CTSS: variants seen among roughly 807,000 people sequenced by gnomAD.
CTSS encodes the protein cathepsin S.
Under a neutral mutation model 39.9 loss-of-function variants are expected in CTSS, and 15 were observed. That is an observed-to-expected ratio of 0.38 (90% CI 0.25 to 0.58). CTSS has a LOEUF of 0.58. Ranked by LOEUF, CTSS falls within the 20% of genes least tolerant of loss-of-function variation. The pLI, the probability that CTSS is intolerant of heterozygous loss-of-function variation, is 0.70. For synonymous variants in CTSS, 126 were observed against 138.2 expected, an observed-to-expected ratio of 0.91 and a Z score of 0.62; for missense variants, 250 against 398.2, an observed-to-expected ratio of 0.63 and a Z score of 3.17.
chr1:150,734,613 TC>T (rs1289840169), intron 7 of CTSS, among the ~76,000 whole-genome samples: 2 of 152,022 alleles, frequency 1.3e-5, no homozygotes, highest in Non-Finnish European at 2.9e-5. Context: ...GCCTGTGCAC[TC>T]CAGCCTGGGC....
At chr1:150,737,675 A>G (rs1652663977) in intron 7 of CTSS, among the ~76,000 whole-genome samples, 1 of 152,196 alleles carries the variant, frequency 6.6e-6, no homozygotes, top group African/African-American at 2.4e-5. Context: ...TCTAGGCATT[A>G]GGATTACAGA....
At chr1:150,750,838 C>G (rs1376282007) in intron 5 of CTSS, among the ~76,000 whole-genome samples, 1 of 151,828 alleles carries the variant, frequency 6.6e-6, no homozygotes, top group Non-Finnish European at 1.5e-5. Context: ...GGTGAGGTCT[C>G]ACTATGTTGC....
intron 5 of CTSS, 106 bp downstream of exon 5, chr1:150,751,675 C>G: frequency 1.1e-6 from 1 of 943,318 alleles, no homozygotes; most frequent in Non-Finnish European, 1.7e-6. Context: ...CTCTCTCACA[C>G]ACAATACTGC....
chr1:150,746,635 T>C (rs1379479841), intron 7 of CTSS, among the ~76,000 whole-genome samples: 1 of 152,142 alleles, frequency 6.6e-6, no homozygotes, highest in Non-Finnish European at 1.5e-5. Flanking sequence ...TTTTCTGGAA[T>C]AGATTGTGCC....
chr1:150,739,852 A>T (rs1429268897), intron 7 of CTSS, among the ~76,000 whole-genome samples: 1 of 152,036 alleles, frequency 6.6e-6, no homozygotes, highest in African/African-American at 2.4e-5. Context: ...CATTGTAAGA[A>T]GGCTGATGAA....
chr1:150,758,942 G>T (rs587724965), intron 2 of CTSS, among the ~76,000 whole-genome samples: 2 of 150,228 alleles, frequency 1.3e-5, no homozygotes, highest in East Asian at 3.9e-4. Flanking sequence ...TCAAACTCTT[G>T]GGCTCAAACT....
In CTSS at chr1:150,744,477, T is replaced by TTA. The variant is rs1363874029; in HGVS notation, c.896+3298_896+3299dup. Among the ~76,000 whole-genome samples the TTA allele has an allele frequency of 1.1e-3, 62 of 56,440 alleles. 1 individual carries two copies. The highest frequency in any genetic ancestry group is 1.4e-3 in the Non-Finnish European group (42 of 30,464). The allele number at this position is 56,440 out of a possible 152,430, so 37.0% of individuals were successfully genotyped here. A position where few individuals can be genotyped will look rare whatever the true frequency, so the allele number is the denominator to read the frequency against. ...TTATGTATACATAATATATTATATA[T>TTA]TATATGTATATTATGTATACATAAT... On this transcript the variant is annotated intron_variant, in intron 7 of 7. Coordinates refer to ENST00000368985, the MANE Select transcript of CTSS (RefSeq NM_004079.5).
chr1:150,735,875 G>A (rs1652625447), intron 7 of CTSS, among the ~76,000 whole-genome samples: 1 of 151,208 alleles, frequency 6.6e-6, no homozygotes, highest in South Asian at 2.1e-4. Context: ...TCCTGCCTCA[G>A]CCTCCTCAGT....
intron 7 of CTSS, among the ~76,000 whole-genome samples, chr1:150,733,450 C>A (rs182461059): frequency 1.8e-4 from 27 of 152,246 alleles, no homozygotes; most frequent in African/African-American, 6.5e-4. Flanking sequence ...GTATTAGTAT[C>A]CTTTATAAGC....
At chr1:150,736,010 A>G (rs1320065834) in intron 7 of CTSS, among the ~76,000 whole-genome samples, 2 of 151,980 alleles carry the variant, frequency 1.3e-5, no homozygotes, top group East Asian at 1.9e-4. Context: ...TGCCCGCCTC[A>G]GCCTCCCAAA....
At chr1:150,758,957 TC>T (rs1437254312) in intron 2 of CTSS, among the ~76,000 whole-genome samples, 8 of 150,126 alleles carry the variant, frequency 5.3e-5, no homozygotes, top group Admixed American at 4.7e-4. Flanking sequence ...CAAACTATCC[TC>T]CCATCTCAGC....
intron 6 of CTSS, among the ~76,000 whole-genome samples, chr1:150,749,727 G>A (rs1652969942): frequency 6.6e-6 from 1 of 151,572 alleles, no homozygotes; most frequent in African/African-American, 2.4e-5. Context: ...ATAGCTCACT[G>A]TAACCTCAAA....
chr1:150,747,855 G>A lies in CTSS; in HGVS notation c.818C>T (p.Thr273Ile), dbSNP rs1652920757. 2 of 1,612,910 alleles carry A rather than the reference G, an allele frequency of 1.2e-6. No individual in the cohort carries two copies. The highest frequency in any genetic ancestry group is 1.7e-6 in the Non-Finnish European group (2 of 1,179,070). ...RSGVYYEPSC[T>I]QNVNHGVLVV... ...AAGTACACCATGATTCACATTCTGA[G>A]TACAGGATGGTTCATAGTAGACACC... The change falls in exon 7 of 8, where the codon ACT (threonine) becomes ATT (isoleucine). Residue 273 changes from threonine (T) to isoleucine (I), a missense_variant. Transcript: ENST00000368985.
rs749411033 is a variant in CTSS at position 150,764,622 on chromosome 1, T to A, written c.126+16A>T. The stretch of plus-strand genomic sequence containing the variant: ...CTCCTTTAAAAGCATATCGCTCGAG[T>A]GGCAATCCAATCTACCTTTTCCTTG... On this transcript the variant is annotated intron_variant, in intron 2 of 7. Transcript: ENST00000368985. 184 of 1,613,642 alleles carry A rather than the reference T, an allele frequency of 1.1e-4. 1 individual carries two copies. Among genetic ancestry groups the A allele is most frequent in the Non-Finnish European group, 1.5e-4 (179 of 1,179,814 alleles).
chr1:150,730,630 A>G lies in CTSS; in HGVS notation c.*2416T>C, dbSNP rs1002650149. On this transcript the variant is annotated 3_prime_UTR_variant, in exon 8 of 8. Coordinates refer to ENST00000368985, the MANE Select transcript of CTSS (RefSeq NM_004079.5). ...TTCAGCTTAAAATATTCAATATGTC[A>G]AAGTGCTGTATTTTGTGTAGGGTGT... The G allele has an allele frequency of 6.6e-6, 1 of 152,126 alleles. No homozygotes were observed. The highest frequency in any genetic ancestry group is 1.5e-5 in the Non-Finnish European group (1 of 68,008). The allele number at this position is 152,126 out of a possible 1,614,324, so 9.4% of individuals were successfully genotyped here.
intron 7 of CTSS, among the ~76,000 whole-genome samples, chr1:150,745,613 G>T (rs1652878885): frequency 6.6e-6 from 1 of 152,056 alleles, no homozygotes; most frequent in Admixed American, 6.6e-5. Context: ...GGTGAACATT[G>T]ATCACCCCAC....
chr1:150,757,243 A>G (rs587597477), intron 3 of CTSS, among the ~76,000 whole-genome samples: 1 of 152,380 alleles, frequency 6.6e-6, no homozygotes, highest in African/African-American at 2.4e-5. Flanking sequence ...ACTAGAAGTT[A>G]CAGGGAGGCA....
chr1:150,756,273 A>G lies in CTSS; in HGVS notation c.250-1123T>C, dbSNP rs1653124820. ...GTATGGAGCTGTCATCTCCTCTGAT[A>G]ACAATGTTTTCTACTGGATGCCTCC... On this transcript the variant is annotated intron_variant, in intron 3 of 7. Transcript: ENST00000368985. Among the ~76,000 whole-genome samples, 4 of 152,338 alleles carry G rather than the reference A, an allele frequency of 2.6e-5. No individual in the cohort carries two copies. In the South Asian group the frequency reaches 8.3e-4, roughly 32 times the overall value.
intron 7 of CTSS, 69 bp from the exon 8 acceptor site, chr1:150,733,214 C>T (rs1265791968): frequency 1.7e-6 from 2 of 1,175,864 alleles, no homozygotes; most frequent in Non-Finnish European, 2.5e-6. Flanking sequence ...CTTTTTATCT[C>T]ATTGTTTTTC....
Sources: allele counts gnomAD v4.1 joint callset (sites outside exome capture counted in the v4.1 genomes callset), GRCh38; gene constraint gnomAD v4.1.1; transcripts MANE v1.5; gene names NCBI Gene and HGNC (gene_info 2026-07-23, HGNC 2026-07-21).